The following NBEA variants were observed in gnomAD, a reference collection of about 807,000 sequenced individuals.
NBEA encodes the protein lysosomal-trafficking regulator 2.
In NBEA, 44 loss-of-function variants were observed where a neutral mutation model predicts 343.4. The observed-to-expected ratio is 0.13, with a 90% CI of 0.10 to 0.16. The LOEUF is 0.16. NBEA is among the 10% of genes least tolerant of loss of function. The pLI is 1.00. For synonymous variants in NBEA, 1,175 were observed against 1,238.7 expected (o/e 0.95, Z 1.08); for missense variants, 2,555 against 3,631.3 (o/e 0.70, Z 7.62).
chr13:35,668,409 A>G lies in NBEA; in HGVS notation c.8703A>G (p.Gly2901=). ...GTGACGGCCAGAACCTGGTCACCGG[A>G]GGGGACAATGGGGTAGTAGAGGTCT... ...LSSDGQNLVT[G]GDNGVVEVWQ... is the part of the protein sequence containing the mutation. Residue 2901 remains glycine, a synonymous_variant, in exon 58 of 59, where the codon GGA becomes GGG. Coordinates refer to ENST00000379939, the MANE Select transcript of NBEA (RefSeq NM_001385012.1). 6.2e-7 allele frequency: 1 copy of G among 1,612,470 alleles called. No individual in the cohort carries two copies. Among genetic ancestry groups the G allele is most frequent in the Non-Finnish European group, 8.5e-7 (1 of 1,179,196 alleles).
chr13:35,421,469 C>T (rs1226067601), intron 38 of NBEA, among the ~76,000 whole-genome samples: 2 of 152,024 alleles, frequency 1.3e-5, no homozygotes, highest in Non-Finnish European at 2.9e-5. Flanking sequence ...TGCCTTCCCC[C>T]ATTTATAATA....
At chr13:35,208,056 C>A (rs1347737763) in intron 31 of NBEA, among the ~76,000 whole-genome samples, 1 of 151,978 alleles carries the variant, frequency 6.6e-6, no homozygotes, top group Non-Finnish European at 1.5e-5. Context: ...CCCGTCTCTA[C>A]TAAAAATACA....
intron 31 of NBEA, among the ~76,000 whole-genome samples, chr13:35,200,307 C>T (rs931625575): frequency 2.0e-5 from 3 of 151,654 alleles, no homozygotes; most frequent in Admixed American, 6.6e-5. Context: ...CACCAATTAA[C>T]CTTTTACTTA....
chr13:35,413,364 G>A (rs866526741), intron 38 of NBEA, among the ~76,000 whole-genome samples: 7 of 152,170 alleles, frequency 4.6e-5, no homozygotes, highest in Admixed American at 2.0e-4. Context: ...TTTTTTGTGT[G>A]TATTTAGTAA....
intron 47 of NBEA, among the ~76,000 whole-genome samples, chr13:35,603,789 C>A (rs1048137504): frequency 6.6e-6 from 1 of 152,148 alleles, no homozygotes. Flanking sequence ...AGCAGCTGCA[C>A]AAGCTTACGT....
chr13:35,032,471 G>T (rs975117099), intron 1 of NBEA, among the ~76,000 whole-genome samples: 2 of 151,656 alleles, frequency 1.3e-5, no homozygotes, highest in Non-Finnish European at 3.0e-5. Flanking sequence ...GTCTGTTCAT[G>T]TCCTTTGCCC....
chr13:35,564,993 C>G (rs1187251250), intron 44 of NBEA, among the ~76,000 whole-genome samples: 1 of 152,092 alleles, frequency 6.6e-6, no homozygotes, highest in Non-Finnish European at 1.5e-5. Flanking sequence ...ACAAACAACC[C>G]AGCCCTGACA....
intron 35 of NBEA, among the ~76,000 whole-genome samples, chr13:35,308,556 A>ATG (rs1264270207): frequency 2.6e-5 from 3 of 113,396 alleles, no homozygotes; most frequent in Non-Finnish European, 3.6e-5. Context: ...ATATGTATAT[A>ATG]TGTATATATG....
intron 39 of NBEA, among the ~76,000 whole-genome samples, chr13:35,441,532 A>G (rs73169762): frequency 2.0e-5 from 3 of 152,232 alleles, no homozygotes; most frequent in Non-Finnish European, 2.9e-5. Flanking sequence ...GTTGTCATTA[A>G]TGCCACCTTA....
chr13:35,206,841 A>G (rs920314150), intron 31 of NBEA, among the ~76,000 whole-genome samples: 1 of 152,144 alleles, frequency 6.6e-6, no homozygotes, highest in Non-Finnish European at 1.5e-5. Flanking sequence ...GTTTTGAAAT[A>G]TAGTCCACAT....
In NBEA at chr13:35,098,170, C is replaced by T. The variant is rs1428891812; in HGVS notation, c.1572-127C>T. 8.2e-6 allele frequency: 5 copies of T among 607,158 alleles called. No homozygotes were observed. The African/African-American group carries it at 9.3e-5, about 11-fold the overall frequency. The allele number at this position is 607,158 out of a possible 1,614,324, so 37.6% of individuals were successfully genotyped here. On this transcript the variant is annotated intron_variant, in intron 10 of 58. Transcript: ENST00000379939. ...CTTTCATAATATAAGGCATAATAGT[C>T]ATTGTCAGTAAAATAGAGATGAGAT...
intron 45 of NBEA, among the ~76,000 whole-genome samples, chr13:35,570,811 T>G (rs1205727962): frequency 2.6e-5 from 4 of 152,152 alleles, no homozygotes; most frequent in Non-Finnish European, 4.4e-5. Flanking sequence ...ATATATCTTT[T>G]TATATGCCTA....
intron 51 of NBEA, among the ~76,000 whole-genome samples, chr13:35,646,906 T>A (rs201600624): frequency 1.3e-5 from 2 of 152,222 alleles, no homozygotes; most frequent in Non-Finnish European, 2.9e-5. Flanking sequence ...CTCTCTGTTT[T>A]TGCATTTCAG....
intron 4 of NBEA, among the ~76,000 whole-genome samples, chr13:35,047,426 T>C (rs1365425138): frequency 6.6e-6 from 1 of 151,968 alleles, no homozygotes; most frequent in Admixed American, 6.6e-5. Context: ...GGAACAAAAC[T>C]ATGGGAACAC....
intron 34 of NBEA, among the ~76,000 whole-genome samples, chr13:35,233,594 G>A (rs1228562125): frequency 6.6e-6 from 1 of 152,078 alleles, no homozygotes; most frequent in Non-Finnish European, 1.5e-5. Flanking sequence ...ATTATGCAAG[G>A]CATTTGAAGC....
At chr13:35,187,799 A>T (rs1385332359) in intron 30 of NBEA, among the ~76,000 whole-genome samples, 1 of 152,152 alleles carries the variant, frequency 6.6e-6, no homozygotes, top group Non-Finnish European at 1.5e-5. Flanking sequence ...ATGACTATTG[A>T]CTACGTTTCC....
chr13:35,278,041 C>T (rs185236654), intron 34 of NBEA, among the ~76,000 whole-genome samples: 2 of 150,750 alleles, frequency 1.3e-5, no homozygotes, highest in Non-Finnish European at 3.0e-5. Context: ...GAGCCAAGAT[C>T]GCACCACTGC....
chr13:35,259,055 C>T (rs1371761891), intron 34 of NBEA, among the ~76,000 whole-genome samples: 1 of 152,070 alleles, frequency 6.6e-6, no homozygotes, highest in Non-Finnish European at 1.5e-5. Flanking sequence ...AGTACATAAC[C>T]CCATTTTAAG....
intron 17 of NBEA, among the ~76,000 whole-genome samples, chr13:35,137,381 C>T (rs1439363030): frequency 4.6e-5 from 7 of 151,004 alleles, no homozygotes; most frequent in African/African-American, 1.2e-4. Context: ...ATGCAGGAGG[C>T]GGAGCTTGCA....
Sources: gnomAD v4.1 joint callset for allele counts (sites outside exome capture counted in the v4.1 genomes callset) on GRCh38, gnomAD v4.1.1 for gene constraint, MANE v1.5 for transcripts, NCBI Gene and HGNC (gene_info 2026-07-23, HGNC 2026-07-21) for gene names.